Variants in PROK2 observed in about 807,000 individuals in gnomAD.
PROK2 encodes prokineticin-2.
A neutral mutation model predicts 14.2 loss-of-function variants in PROK2; 8 were observed. The observed-to-expected ratio is 0.56, with a 90% CI of 0.33 to 1.02. The LOEUF (loss-of-function observed/expected upper bound fraction) is 1.02. Ranked by LOEUF, PROK2 falls within the 50% of genes least tolerant of loss-of-function variation. The pLI is 0.03. For missense variants in PROK2, 154 were observed against 160.4 expected (o/e 0.96, Z 0.22); for synonymous variants, 59 against 60.7 (o/e 0.97, Z 0.13).
rs545892652 is a variant in PROK2, at chr3:71,779,102, A to G, written c.222+2365T>C. ...GAAATAGAATTCGGTTCTCTTTTAA[A>G]TATTGCAGAGGATTGGAACACTCAT... On this transcript the variant is annotated intron_variant, in intron 2 of 3. Transcript: ENST00000295619. Among the ~76,000 whole-genome samples the G allele has an allele frequency of 1.0e-3, 155 of 152,354 alleles. 2 individuals carry two copies. The highest frequency in any genetic ancestry group is 3.0e-3 in the African/African-American group (124 of 41,578).
chr3:71,785,096 C>T lies in PROK2; in HGVS notation c.-44G>A, dbSNP rs1335017550. The T allele has an allele frequency of 1.7e-6, 2 of 1,180,516 alleles. No individual in the cohort carries two copies. The highest frequency in any genetic ancestry group is 1.1e-6 in the Non-Finnish European group (1 of 941,112). The allele number at this position is 1,180,516 out of a possible 1,614,324, so 73.1% of individuals were successfully genotyped here. On this transcript the variant is annotated 5_prime_UTR_variant, in exon 1 of 4. Transcript: ENST00000295619. Reference sequence around the variant, plus strand: ...CGGCCGCCGGAGGCAGTTGGGGGCGCGGGGCCCGGGTGCGCTGGGTGGAGC... The same window carrying T: ...CGGCCGCCGGAGGCAGTTGGGGGCGTGGGGCCCGGGTGCGCTGGGTGGAGC...
chr3:71,781,652 AC>A, intron 1 of PROK2, 60 bp from the exon 2 acceptor site: 1 of 1,542,814 alleles, frequency 6.5e-7, no homozygotes, highest in Non-Finnish European at 8.9e-7. Flanking sequence ...GGCTAAGGAA[AC>A]CTAAAATTAG....
chr3:71,775,397 C>T (rs2050110568), intron 2 of PROK2, among the ~76,000 whole-genome samples: 1 of 152,192 alleles, frequency 6.6e-6, no homozygotes, highest in Non-Finnish European at 1.5e-5. Flanking sequence ...TCATACAAGA[C>T]AGAACACCAG....
intron 3 of PROK2, among the ~76,000 whole-genome samples, chr3:71,773,586 T>A (rs1031086101): frequency 6.6e-6 from 1 of 152,198 alleles, no homozygotes; most frequent in African/African-American, 2.4e-5. Flanking sequence ...GTCTATGCAA[T>A]CAGCAAATAT....
chr3:71,776,976 T>A (rs532688423), intron 2 of PROK2, among the ~76,000 whole-genome samples: 66 of 152,342 alleles, frequency 4.3e-4, no homozygotes, highest in African/African-American at 1.4e-3. Context: ...GCATGACTTT[T>A]ACTCTTTTGC....
intron 2 of PROK2, among the ~76,000 whole-genome samples, chr3:71,779,336 T>C (rs2050144247): frequency 6.6e-6 from 1 of 152,200 alleles, no homozygotes; most frequent in Non-Finnish European, 1.5e-5. Flanking sequence ...TGAAGTTGAG[T>C]GTCTCTTGTT....
Position 71,772,736 on chromosome 3 carries a change from TAAAC to T in PROK2, c.374_377del (p.Cys125Ter). On this transcript the variant is annotated frameshift_variant, in exon 4 of 4. Transcript: ENST00000295619. LOFTEE classifies it high-confidence loss of function. Reference sequence around the variant, plus strand: ...TACTCCAGAGCGATTACTTTTGGGCTAAACAAATAAATCGGTTAAATGAAGTCCG... The same window carrying T: ...TACTCCAGAGCGATTACTTTTGGGCTAAATAAATCGGTTAAATGAAGTCCG... 1 of 1,613,948 alleles carries T rather than the reference TAAAC, an allele frequency of 6.2e-7. No homozygotes were observed. Among genetic ancestry groups the T allele is most frequent in the Non-Finnish European group, 8.5e-7 (1 of 1,179,782 alleles).
chr3:71,773,199 C>G (rs946220860), intron 3 of PROK2, among the ~76,000 whole-genome samples: 7 of 152,160 alleles, frequency 4.6e-5, no homozygotes, highest in African/African-American at 1.7e-4. Flanking sequence ...AGGCGGGTCT[C>G]GAACTACCAA....
At chr3:71,783,877 T>C (rs1159149334) in intron 1 of PROK2, among the ~76,000 whole-genome samples, 2 of 152,238 alleles carry the variant, frequency 1.3e-5, no homozygotes, top group Non-Finnish European at 2.9e-5. Flanking sequence ...AATGCTGTCA[T>C]AGCAAAAGGA....
chr3:71,779,655 G>A (rs908950218), intron 2 of PROK2, among the ~76,000 whole-genome samples: 3 of 152,178 alleles, frequency 2.0e-5, no homozygotes, highest in Non-Finnish European at 4.4e-5. Flanking sequence ...CCAGGCTGGA[G>A]TATAGTGGCA....
intron 3 of PROK2, among the ~76,000 whole-genome samples, chr3:71,774,167 C>T (rs2050101031): frequency 6.6e-6 from 1 of 152,194 alleles, no homozygotes; most frequent in South Asian, 2.1e-4. Flanking sequence ...ATTTCTTATT[C>T]TGTTCCACCA....
intron 3 of PROK2, 97 bp downstream of exon 3, chr3:71,774,348 C>T: frequency 6.5e-7 from 1 of 1,538,456 alleles, no homozygotes; most frequent in South Asian, 1.2e-5. Flanking sequence ...TGGGGCTGAA[C>T]TGATAGGACA....
At position 71,772,371 on chromosome 3, in the gene PROK2, G is replaced by C. The variant is rs1341972044; in HGVS notation, c.*353C>G. The stretch of plus-strand genomic sequence containing the variant: ...GCACAAATGGGGCTTGGGGTGGTGA[G>C]AAAAAAAAAAAAAAGTTTTTCTAAC... On this transcript the variant is annotated 3_prime_UTR_variant, in exon 4 of 4. Coordinates refer to ENST00000295619, the MANE Select transcript of PROK2 (RefSeq NM_001126128.2). 2.5e-5 allele frequency: 5 copies of C among 201,654 alleles called. No individual in the cohort carries two copies. The highest frequency in any genetic ancestry group is 1.9e-5 in the Non-Finnish European group (2 of 103,284). 12.5% of individuals were successfully genotyped at this position (201,654 alleles called of 1,614,324 possible). A position where few individuals can be genotyped will look rare whatever the true frequency, so the allele number is the denominator to read the frequency against.
chr3:71,776,129 AT>A (rs991016937), intron 2 of PROK2, among the ~76,000 whole-genome samples: 1 of 152,150 alleles, frequency 6.6e-6, no homozygotes, highest in Non-Finnish European at 1.5e-5. Context: ...CTTAAAAAAA[AT>A]CTTTGTATTA....
At chr3:71,783,534 T>C (rs2050185475) in intron 1 of PROK2, among the ~76,000 whole-genome samples, 1 of 152,246 alleles carries the variant, frequency 6.6e-6, no homozygotes, top group South Asian at 2.1e-4. Flanking sequence ...TAGGTTTATA[T>C]ATTTTTAATT....
Position 71,772,847 on chromosome 3 carries a change from G to T in PROK2, c.286-19C>A. On this transcript the variant is annotated intron_variant, in intron 3 of 3. Transcript: ENST00000295619. ...ATGGAACCTAAATAAAAAAGAAAACGGAGTCAGAGCTGGAAAGGTTTCAAA... is the reference window on the plus strand; with the variant it reads ...ATGGAACCTAAATAAAAAAGAAAACTGAGTCAGAGCTGGAAAGGTTTCAAA... 6.2e-7 allele frequency: 1 copy of T among 1,605,026 alleles called. No homozygotes were observed. Among genetic ancestry groups the T allele is most frequent in the Non-Finnish European group, 8.5e-7 (1 of 1,171,906 alleles).
At chr3:71,775,418 T>C (rs2050110720) in intron 2 of PROK2, among the ~76,000 whole-genome samples, 2 of 152,198 alleles carry the variant, frequency 1.3e-5, no homozygotes, top group African/African-American at 4.8e-5. Context: ...TAAAATTGTT[T>C]CAGCTGCTGG....
At chr3:71,778,103 A>C (rs2050133228) in intron 2 of PROK2, among the ~76,000 whole-genome samples, 2 of 152,066 alleles carry the variant, frequency 1.3e-5, no homozygotes, top group Non-Finnish European at 2.9e-5. Context: ...AGGCTGAGGC[A>C]GGAGAATGGC....
At chr3:71,780,190 G>T (rs2050150664) in intron 2 of PROK2, among the ~76,000 whole-genome samples, 1 of 152,218 alleles carries the variant, frequency 6.6e-6, no homozygotes, top group South Asian at 2.1e-4. Context: ...TGGTTTAAAT[G>T]TAACAGGAAG....
Sources: allele counts gnomAD v4.1 joint callset (sites outside exome capture counted in the v4.1 genomes callset), GRCh38; gene constraint gnomAD v4.1.1; transcripts MANE v1.5; gene names NCBI Gene and HGNC (gene_info 2026-07-23, HGNC 2026-07-21).